SMAP1: variants seen among roughly 807,000 people sequenced by gnomAD.
SMAP1 encodes the protein small ArfGAP 1, also known as stromal membrane-associated protein 1.
Under a neutral mutation model 58.5 loss-of-function variants are expected in SMAP1, and 24 were observed. The ratio of observed to expected loss-of-function variants is 0.41; its 90% CI spans 0.30 to 0.58. The LOEUF (loss-of-function observed/expected upper bound fraction) is 0.58. SMAP1 is among the 20% of genes least tolerant of loss of function. The probability of loss-of-function intolerance (pLI) is 0.29; values close to 1 mark genes in which losing one functional copy is unlikely to be tolerated. For missense variants in SMAP1, 563 were observed against 566.3 expected (o/e 0.99, Z 0.06); for synonymous variants, 216 against 196.6 (o/e 1.10, Z -0.82).
intron 7 of SMAP1, 129 bp from the exon 8 acceptor site, chr6:70,852,411 G>A (rs1219791670): frequency 2.2e-6 from 2 of 910,944 alleles, no homozygotes; most frequent in East Asian, 3.1e-5. Context: ...TAGGTAGAAG[G>A]AGAACAAATG....
chr6:70,857,517 TA>T (rs1562206455), intron 9 of SMAP1: 1 of 176,744 alleles, frequency 5.7e-6, no homozygotes, highest in East Asian at 1.5e-4. Context: ...ACATGTGAGC[TA>T]AAATTGTTGG....
intron 1 of SMAP1, among the ~76,000 whole-genome samples, chr6:70,685,919 T>A (rs1008949260): frequency 9.2e-5 from 14 of 152,046 alleles, no homozygotes; most frequent in African/African-American, 3.1e-4. Context: ...TTATTTTATT[T>A]TTTTAACACA....
At chr6:70,859,102 A>G (rs1771577101) in intron 10 of SMAP1, 2 of 351,858 alleles carry the variant, frequency 5.7e-6, no homozygotes, top group Non-Finnish European at 5.1e-6. Flanking sequence ...CATTCAGGGA[A>G]TAGTCTAGAG....
intron 1 of SMAP1, among the ~76,000 whole-genome samples, chr6:70,691,711 G>T (rs538761889): frequency 6.6e-6 from 1 of 152,280 alleles, no homozygotes; most frequent in Admixed American, 6.5e-5. Flanking sequence ...AATGTGAGAA[G>T]TTTGTCTTTC....
intron 6 of SMAP1, among the ~76,000 whole-genome samples, chr6:70,809,547 C>T (rs1313183101): frequency 6.6e-6 from 1 of 152,120 alleles, no homozygotes; most frequent in East Asian, 1.9e-4. Context: ...GGCTCATTGC[C>T]AGATGCTAGA....
At chr6:70,703,377 A>AT in intron 1 of SMAP1, among the ~76,000 whole-genome samples, 1 of 152,156 alleles carries the variant, frequency 6.6e-6, no homozygotes, top group East Asian at 1.9e-4. Context: ...CTCAGCCAGC[A>AT]TTTTTCAATT....
Position 70,668,119 on chromosome 6 carries a change from C to T in SMAP1, c.96C>T (p.Tyr32=). 1 of 1,600,846 alleles carries T rather than the reference C, an allele frequency of 6.2e-7. No individual in the cohort carries two copies. The highest frequency in any genetic ancestry group is 8.5e-7 in the Non-Finnish European group (1 of 1,174,642). ...TTCTGAGGGAGGAGGACAACAAGTA[C>T]TGCGCCGACTGCGAGGCCAAAGGTA... ...SKLLREEDNK[Y]CADCEAKGPR... The change falls in exon 1 of 11, where the codon TAC becomes TAT. Residue 32 remains tyrosine (Y), a synonymous_variant. Coordinates refer to ENST00000370455, the MANE Select transcript of SMAP1 (RefSeq NM_001044305.3).
rs377050678 is a variant in SMAP1, at chr6:70,711,398, C to T, written c.119-20980C>T. ...TGATTGAAAGGTCATTATGCAGAGC[C>T]TGACTGTATTTTATTCCTTTTGTTG... On this transcript the variant is annotated intron_variant, in intron 1 of 10. Transcript: ENST00000370455. Among the ~76,000 whole-genome samples, 35 of 152,208 alleles carry T rather than the reference C, an allele frequency of 2.3e-4. No individual in the cohort carries two copies. The East Asian group carries it at 2.5e-3, about 11-fold the overall frequency.
intron 6 of SMAP1, among the ~76,000 whole-genome samples, chr6:70,814,801 T>C (rs1769547119): frequency 6.6e-6 from 1 of 152,170 alleles, no homozygotes; most frequent in Non-Finnish European, 1.5e-5. Context: ...AGATTGGTGG[T>C]AGATTAAATG....
rs1470000652 is a variant in SMAP1, at chr6:70,778,858, C to T, written c.414+5433C>T. On this transcript the variant is annotated intron_variant, in intron 4 of 10. Transcript: ENST00000370455. ...ATGGGGTACCTCTAACCAAGCCCTT[C>T]CTTGGGTCTCTGGGCTGGGTGTGTG... is the stretch of plus-strand genomic sequence containing the variant. Among the ~76,000 whole-genome samples, 2 of 152,222 alleles carry T rather than the reference C, an allele frequency of 1.3e-5. 1 individual carries two copies. The highest frequency in any genetic ancestry group is 2.9e-5 in the Non-Finnish European group (2 of 68,030).
At chr6:70,712,711 A>G (rs1035111163) in intron 1 of SMAP1, among the ~76,000 whole-genome samples, 6 of 150,108 alleles carry the variant, frequency 4.0e-5, no homozygotes, top group Admixed American at 6.6e-5. Context: ...TAGGTTATTC[A>G]ATTTATTGGC....
intron 2 of SMAP1, among the ~76,000 whole-genome samples, chr6:70,748,917 A>C (rs1164843098): frequency 6.6e-6 from 1 of 152,090 alleles, no homozygotes; most frequent in African/African-American, 2.4e-5. Context: ...GTTGGCATAC[A>C]TTTTTATATC....
chr6:70,720,445 T>TGGG (rs1412781586), intron 1 of SMAP1, among the ~76,000 whole-genome samples: 3 of 152,158 alleles, frequency 2.0e-5, no homozygotes, highest in Non-Finnish European at 2.9e-5. Context: ...TTAGTGGATC[T>TGGG]ACCATTCTGG....
At chr6:70,711,452 GGTA>G (rs1170210469) in intron 1 of SMAP1, among the ~76,000 whole-genome samples, 3 of 150,432 alleles carry the variant, frequency 2.0e-5, no homozygotes, top group Non-Finnish European at 3.0e-5. Flanking sequence ...GATCACTATT[GGTA>G]TAAATAAATG....
rs1228721579 is a variant in SMAP1 at position 70,835,649 on chromosome 6, G to A, written c.577-1292G>A. 2.6e-5 allele frequency among the ~76,000 whole-genome samples: 4 copies of A among 152,158 alleles called. No homozygotes were observed. The East Asian group carries it at 7.7e-4, about 29-fold the overall frequency. ...AGCCTCCCGAGTAGCTGAGACTACA[G>A]GTGTGCACCACCACACCCAGCTAAT... is the stretch of plus-strand genomic sequence containing the variant. On this transcript the variant is annotated intron_variant, in intron 6 of 10. Transcript: ENST00000370455.
At chr6:70,801,362 G>A (rs557382190) in intron 6 of SMAP1, among the ~76,000 whole-genome samples, 31 of 150,988 alleles carry the variant, frequency 2.1e-4, no homozygotes, top group Non-Finnish European at 4.0e-4. Context: ...TTTTTGATGT[G>A]GTTTTTTTTT....
intron 2 of SMAP1, among the ~76,000 whole-genome samples, chr6:70,746,102 A>G (rs904904149): frequency 5.3e-5 from 8 of 152,180 alleles, no homozygotes; most frequent in Non-Finnish European, 8.8e-5. Context: ...TAAATATACA[A>G]TCATGTCATC....
In SMAP1 at chr6:70,667,976, C is replaced by G. The variant is rs766804993; in HGVS notation, c.-48C>G. 3.3e-6 allele frequency: 5 copies of G among 1,500,546 alleles called. No homozygotes were observed. The South Asian group carries it at 3.6e-5, about 11-fold the overall frequency. 93.0% of individuals were successfully genotyped at this position (1,500,546 alleles called of 1,614,324 possible). On this transcript the variant is annotated 5_prime_UTR_variant, in exon 1 of 11. Coordinates refer to ENST00000370455, the MANE Select transcript of SMAP1 (RefSeq NM_001044305.3). ...GTTCACTCTGCCCGGCTCCAGCCAG[C>G]GTCCGCCGCCGCCGTAGCTGCCCCA...
chr6:70,805,970 C>T (rs374324560), intron 6 of SMAP1, among the ~76,000 whole-genome samples: 3 of 152,174 alleles, frequency 2.0e-5, no homozygotes, highest in East Asian at 1.9e-4. Context: ...GTCAGGGACC[C>T]ACTTGAGGAG....
Sources: gnomAD v4.1 joint callset for allele counts (sites outside exome capture counted in the v4.1 genomes callset) on GRCh38, gnomAD v4.1.1 for gene constraint, MANE v1.5 for transcripts, NCBI Gene and HGNC (gene_info 2026-07-23, HGNC 2026-07-21) for gene names.